The following NYAP2 variants were observed in gnomAD, a reference collection of about 807,000 sequenced individuals.
The protein encoded by NYAP2 is neuronal tyrosine-phosphorylated phosphoinositide-3-kinase adaptor 2, also known as neuronal tyrosine-phosphorylated phosphoinositide-3-kinase adapter 2.
NYAP2 carries 23 observed loss-of-function variants against 50.4 expected under a neutral mutation model. That is an observed-to-expected ratio of 0.46 (90% CI 0.33 to 0.65). NYAP2 has a LOEUF of 0.65. Ranked by LOEUF, NYAP2 falls within the 30% of genes least tolerant of loss-of-function variation. NYAP2 has a pLI of 0.02. For missense variants in NYAP2, 885 were observed against 861.0 expected, an observed-to-expected ratio of 1.03 and a Z score of -0.35; for synonymous variants, 394 against 365.2, an observed-to-expected ratio of 1.08 and a Z score of -0.90.
At chr2:225,505,890 A>G (rs1690695354) in intron 3 of NYAP2, among the ~76,000 whole-genome samples, 1 of 152,158 alleles carries the variant, frequency 6.6e-6, no homozygotes, top group Non-Finnish European at 1.5e-5. Flanking sequence ...CAATGGGAAG[A>G]AGGATGAAGC....
intron 4 of NYAP2, among the ~76,000 whole-genome samples, chr2:225,538,782 C>CTTTTCT (rs113872044): frequency 0.011 from 211 of 19,218 alleles, no homozygotes; most frequent in Middle Eastern, 0.023. Flanking sequence ...CTTTTCTTTT[C>CTTTTCT]TTTCTTTCTT....
At chr2:225,403,804 T>A (rs1694899230) in intron 2 of NYAP2, among the ~76,000 whole-genome samples, 1 of 152,008 alleles carries the variant, frequency 6.6e-6, no homozygotes. Context: ...CTGCTTTTGG[T>A]AAATGGAGAT....
intron 4 of NYAP2, among the ~76,000 whole-genome samples, chr2:225,536,610 ATG>A (rs1691355387): frequency 6.6e-6 from 1 of 152,104 alleles, no homozygotes; most frequent in African/African-American, 2.4e-5. Context: ...TAACCATACA[ATG>A]TGTAATAATC....
chr2:225,516,013 A>C (rs1488176714), intron 4 of NYAP2, among the ~76,000 whole-genome samples: 1 of 152,146 alleles, frequency 6.6e-6, no homozygotes, highest in Non-Finnish European at 1.5e-5. Context: ...TGTAAAATAC[A>C]CTCAGAATAC....
chr2:225,591,895 T>C (rs1261418455), intron 5 of NYAP2, among the ~76,000 whole-genome samples: 1 of 152,126 alleles, frequency 6.6e-6, no homozygotes, highest in East Asian at 1.9e-4. Flanking sequence ...TTGGCATCAA[T>C]TTAGGAAGGG....
At chr2:225,581,946 G>C (rs1162939853) in exon 5 of NYAP2, 1 of 1,595,868 alleles carries the variant, frequency 6.3e-7, no homozygotes, top group Non-Finnish European at 8.6e-7. Context: ...TTTAGCGTCA[G>C]CTAAACCAAG....
chr2:225,512,064 C>T (rs918894397), intron 3 of NYAP2, among the ~76,000 whole-genome samples: 1 of 152,122 alleles, frequency 6.6e-6, no homozygotes, highest in African/African-American at 2.4e-5. Flanking sequence ...CTAGAAAAAT[C>T]TTCCTTTTAA....
intron 5 of NYAP2, among the ~76,000 whole-genome samples, chr2:225,624,847 A>G (rs535563218): frequency 6.6e-6 from 1 of 152,150 alleles, no homozygotes; most frequent in South Asian, 2.1e-4. Flanking sequence ...TACGTAAGAA[A>G]AATGAGGTTC....
chr2:225,561,547 G>T (rs143739138), intron 4 of NYAP2, among the ~76,000 whole-genome samples: 1,563 of 152,174 alleles, frequency 0.01, 31 homozygotes, highest in African/African-American at 0.034. Context: ...TGTACTCCAG[G>T]CCCTTGGATA....
chr2:225,451,482 A>G (rs914687875), intron 3 of NYAP2, among the ~76,000 whole-genome samples: 13 of 152,208 alleles, frequency 8.5e-5, no homozygotes, highest in African/African-American at 2.9e-4. Context: ...GCACAATGCC[A>G]TCACTACTTA....
intron 4 of NYAP2, among the ~76,000 whole-genome samples, chr2:225,572,281 C>T (rs181821445): frequency 1.9e-4 from 29 of 152,320 alleles, no homozygotes; most frequent in Admixed American, 5.9e-4. Context: ...CCCCGCTATC[C>T]GTTACCAATT....
At chr2:225,425,555 A>G (rs1358949103) in intron 3 of NYAP2, among the ~76,000 whole-genome samples, 1 of 152,168 alleles carries the variant, frequency 6.6e-6, no homozygotes, top group Non-Finnish European at 1.5e-5. Flanking sequence ...GGAATGGGAA[A>G]CTTAATGTGA....
At chr2:225,652,938 CT>C (rs1693761069) in exon 7 of NYAP2, 2 of 152,150 alleles carry the variant, frequency 1.3e-5, no homozygotes, top group Admixed American at 1.3e-4. Context: ...TCAAGGGTAT[CT>C]CAAGTACCAT....
intron 4 of NYAP2, among the ~76,000 whole-genome samples, chr2:225,545,498 A>G (rs1691563592): frequency 1.3e-5 from 2 of 152,028 alleles, no homozygotes; most frequent in Non-Finnish European, 2.9e-5. Flanking sequence ...CAGTATGTCA[A>G]TTGCATTTTC....
At chr2:225,599,864 T>G (rs917755692) in intron 5 of NYAP2, among the ~76,000 whole-genome samples, 1 of 152,200 alleles carries the variant, frequency 6.6e-6, no homozygotes, top group Admixed American at 6.5e-5. Flanking sequence ...ACATTTTTAT[T>G]ATAAAATATA....
the NYAP2 span, among the ~76,000 whole-genome samples, chr2:225,676,133 G>T: frequency 6.6e-6 from 1 of 151,898 alleles, no homozygotes; most frequent in African/African-American, 2.4e-5. Flanking sequence ...AATTTGTTTT[G>T]CTCTGCAGAA....
In NYAP2 at chr2:225,639,063, G is replaced by GAA. The variant is rs57481799; in HGVS notation, c.1828+11946_1828+11947dup. On this transcript the variant is annotated intron_variant, in intron 6 of 6. Transcript: ENST00000636099. ...CTGAAAGATTTTTAATCATCAAAGT[G>GAA]AAAAAAAAAAGTCTTGGGACTCAGT... Among the ~76,000 whole-genome samples the GAA allele has an allele frequency of 2.2e-3, 334 of 150,236 alleles. 1 individual carries two copies. The highest frequency in any genetic ancestry group is 3.6e-3 in the Non-Finnish European group (243 of 67,492).
chr2:225,566,037 A>T (rs116141356), intron 4 of NYAP2, among the ~76,000 whole-genome samples: 69 of 152,304 alleles, frequency 4.5e-4, no homozygotes, highest in African/African-American at 1.6e-3. Context: ...TTGGACAAGT[A>T]ATTCAATTTC....
At chr2:225,491,753 C>A (rs1438834277) in intron 3 of NYAP2, among the ~76,000 whole-genome samples, 1 of 152,128 alleles carries the variant, frequency 6.6e-6, no homozygotes, top group African/African-American at 2.4e-5. Context: ...GAGACATTTC[C>A]AGATTGGATA....
Sources: allele counts gnomAD v4.1 joint callset (sites outside exome capture counted in the v4.1 genomes callset), GRCh38; gene constraint gnomAD v4.1.1; transcripts MANE v1.5; gene names NCBI Gene and HGNC (gene_info 2026-07-23, HGNC 2026-07-21).